ZNF521: variants seen among roughly 807,000 people sequenced by gnomAD.
ZNF521 encodes the protein LYST-interacting protein 3.
A neutral mutation model predicts 105.5 loss-of-function variants in ZNF521; 14 were observed. The ratio of observed to expected loss-of-function variants is 0.13; its 90% CI spans 0.09 to 0.21. ZNF521 has a LOEUF of 0.21. Among genes scored for constraint, ZNF521 ranks in the 10% least tolerant of loss-of-function variants. The pLI, the probability that ZNF521 is intolerant of heterozygous loss-of-function variation, is 1.00. For synonymous variants in ZNF521, 635 were observed against 606.0 expected (o/e 1.05, Z -0.70); for missense variants, 1,233 against 1,629.7 (o/e 0.76, Z 4.19).
chr18:25,268,914 A>T (rs1259344744), intron 3 of ZNF521, among the ~76,000 whole-genome samples: 2 of 152,206 alleles, frequency 1.3e-5, no homozygotes, highest in African/African-American at 4.8e-5. Flanking sequence ...GGCAGGATCA[A>T]ATTCACACAT....
chr18:25,321,975 C>A, intron 3 of ZNF521, 33 bp downstream of exon 3: 1 of 1,598,940 alleles, frequency 6.3e-7, no homozygotes, highest in South Asian at 1.1e-5. Flanking sequence ...TAGAACAGTA[C>A]AAGAAGACAA....
chr18:25,233,670 T>G (rs1286518054), intron 3 of ZNF521, among the ~76,000 whole-genome samples: 3 of 151,588 alleles, frequency 2.0e-5, no homozygotes, highest in Admixed American at 1.3e-4. Flanking sequence ...AGGTTTTTTT[T>G]TTTTTTTTTT....
At chr18:25,336,121 T>C (rs1007626991) in intron 2 of ZNF521, among the ~76,000 whole-genome samples, 1 of 152,192 alleles carries the variant, frequency 6.6e-6, no homozygotes, top group African/African-American at 2.4e-5. Context: ...CAGCCAGGCA[T>C]GGATGGGAGT....
At chr18:25,319,655 A>G (rs1349901431) in intron 3 of ZNF521, among the ~76,000 whole-genome samples, 1 of 152,176 alleles carries the variant, frequency 6.6e-6, no homozygotes, top group Non-Finnish European at 1.5e-5. Flanking sequence ...AGATATTTAT[A>G]TAGTATCAAA....
At chr18:25,196,842 T>A (rs915605126) in intron 4 of ZNF521, among the ~76,000 whole-genome samples, 1 of 151,844 alleles carries the variant, frequency 6.6e-6, no homozygotes, top group Non-Finnish European at 1.5e-5. Context: ...ACATTATATA[T>A]TGTTTATTAG....
intron 3 of ZNF521, among the ~76,000 whole-genome samples, chr18:25,234,863 T>G (rs1398557566): frequency 2.0e-5 from 3 of 152,058 alleles, no homozygotes; most frequent in African/African-American, 7.2e-5. Flanking sequence ...AATAAAGAAC[T>G]ACTATTTAAC....
At chr18:25,085,063 T>C (rs1004413489) in intron 7 of ZNF521, among the ~76,000 whole-genome samples, 2 of 152,202 alleles carry the variant, frequency 1.3e-5, no homozygotes, top group Admixed American at 1.3e-4. Context: ...AATAAAATGT[T>C]CATTGAGTTG....
chr18:25,329,536 C>T (rs934617943), intron 2 of ZNF521, among the ~76,000 whole-genome samples: 2 of 152,054 alleles, frequency 1.3e-5, no homozygotes, highest in Non-Finnish European at 2.9e-5. Flanking sequence ...AAGGTAAGGC[C>T]ACAGATACGT....
chr18:25,076,588 AT>A, intron 7 of ZNF521, among the ~76,000 whole-genome samples: 1 of 152,200 alleles, frequency 6.6e-6, no homozygotes, highest in Non-Finnish European at 1.5e-5. Flanking sequence ...CATGAATACA[AT>A]CGAGCTAATC....
chr18:25,322,096 T>C lies in ZNF521; in HGVS notation c.132A>G (p.Glu44=), dbSNP rs376267978. Residue 44 remains glutamate (E), a synonymous_variant, in exon 3 of 8, where the codon GAA becomes GAG. Coordinates refer to ENST00000361524, the MANE Select transcript of ZNF521 (RefSeq NM_015461.3). ...GGCAGCTGTCACAGCTGTGCACAGCTTCGTCTTCCAACTCCTCCCCGTCTT... is the reference window on the plus strand; with the variant it reads ...GGCAGCTGTCACAGCTGTGCACAGCCTCGTCTTCCAACTCCTCCCCGTCTT... ...RPEDGEELED[E]AVHSCDSCLQ... is the part of the protein sequence containing the mutation. 5 of 1,614,202 alleles carry C rather than the reference T, an allele frequency of 3.1e-6. No homozygotes were observed. The African/African-American group carries it at 6.7e-5, about 22-fold the overall frequency.
intron 3 of ZNF521, among the ~76,000 whole-genome samples, chr18:25,247,288 C>A (rs899707854): frequency 6.6e-6 from 1 of 152,060 alleles, no homozygotes; most frequent in East Asian, 1.9e-4. Context: ...GGAAGAAGCA[C>A]GAAAACAATC....
chr18:25,141,308 T>C (rs144365983), intron 5 of ZNF521, among the ~76,000 whole-genome samples: 1 of 152,344 alleles, frequency 6.6e-6, no homozygotes, highest in East Asian at 1.9e-4. Flanking sequence ...TGGCTGTTTA[T>C]ATGTGATGTG....
At chr18:25,298,397 CT>C (rs1911443189) in intron 3 of ZNF521, among the ~76,000 whole-genome samples, 2 of 152,110 alleles carry the variant, frequency 1.3e-5, no homozygotes, top group African/African-American at 4.8e-5. Context: ...TGAGGTTAGA[CT>C]TTAGGCTCCT....
intron 3 of ZNF521, among the ~76,000 whole-genome samples, chr18:25,276,492 A>G (rs879324631): frequency 6.6e-6 from 1 of 152,202 alleles, no homozygotes; most frequent in African/African-American, 2.4e-5. Flanking sequence ...TAAGCAATGT[A>G]AAATATCACT....
At chr18:25,220,593 G>C (rs1259139065) in intron 4 of ZNF521, among the ~76,000 whole-genome samples, 1 of 152,168 alleles carries the variant, frequency 6.6e-6, no homozygotes, top group Non-Finnish European at 1.5e-5. Flanking sequence ...GGCTGAGTCA[G>C]ATGGTCTACA....
At chr18:25,343,908 C>A (rs1026696190) in intron 2 of ZNF521, among the ~76,000 whole-genome samples, 1 of 151,956 alleles carries the variant, frequency 6.6e-6, no homozygotes, top group Admixed American at 6.6e-5. Flanking sequence ...AAATTATAAA[C>A]CTCTGCAATC....
intron 2 of ZNF521, among the ~76,000 whole-genome samples, chr18:25,327,176 G>A (rs1370700093): frequency 2.6e-5 from 4 of 152,140 alleles, no homozygotes; most frequent in African/African-American, 4.8e-5. Flanking sequence ...AAAGCTGCCC[G>A]AGTTCTTTCT....
intron 7 of ZNF521, among the ~76,000 whole-genome samples, chr18:25,083,931 AT>A (rs56364504): frequency 0.058 from 3,339 of 57,266 alleles, 53 homozygotes; most frequent in African/African-American, 0.11. Context: ...AACCTGGGTA[AT>A]TTTTTTTTTT....
At chr18:25,074,269 C>T (rs571811032) in intron 7 of ZNF521, among the ~76,000 whole-genome samples, 1 of 152,334 alleles carries the variant, frequency 6.6e-6, no homozygotes, top group African/African-American at 2.4e-5. Flanking sequence ...TTAGAAGGAG[C>T]CCCAAGTAAT....
Sources: gnomAD v4.1 joint callset for allele counts (sites outside exome capture counted in the v4.1 genomes callset) on GRCh38, gnomAD v4.1.1 for gene constraint, MANE v1.5 for transcripts, NCBI Gene and HGNC (gene_info 2026-07-23, HGNC 2026-07-21) for gene names.